SLC5A3: variants seen among roughly 807,000 people sequenced by gnomAD.
SLC5A3 encodes solute carrier family 5 member 3.
SLC5A3 carries 10 observed loss-of-function variants against 43.2 expected under a neutral mutation model. That is an observed-to-expected ratio of 0.23 (90% CI 0.14 to 0.39). The LOEUF is 0.39. Among genes scored for constraint, SLC5A3 ranks in the 10% least tolerant of loss-of-function variants. The probability of loss-of-function intolerance (pLI) is 1.00; values close to 1 mark genes in which losing one functional copy is unlikely to be tolerated. For missense variants in SLC5A3, 608 were observed against 893.4 expected (o/e 0.68, Z 4.07); for synonymous variants, 349 against 322.0 (o/e 1.08, Z -0.90).
At chr21:34,077,714 T>C (rs573815647) in intron 1 of SLC5A3, among the ~76,000 whole-genome samples, 5 of 152,222 alleles carry the variant, frequency 3.3e-5, no homozygotes, top group Admixed American at 6.5e-5. Flanking sequence ...GATAACTCAT[T>C]GAAATAGTAC....
Position 34,102,374 on chromosome 21 carries a change from T to G in SLC5A3, c.*5019T>G, listed in dbSNP as rs1979279473. ...GGAATGTTGTGAGAATTGATGTAAT[T>G]TCTGTTTCTGTTTCCATCTAAACTT... On this transcript the variant is annotated 3_prime_UTR_variant, in exon 2 of 2. Transcript: ENST00000381151. 2 of 995,352 alleles carry G rather than the reference T, an allele frequency of 2.0e-6. No individual in the cohort carries two copies. The highest frequency in any genetic ancestry group is 6.8e-5 in the Admixed American group (1 of 14,744). 61.7% of individuals were successfully genotyped at this position (995,352 alleles called of 1,614,324 possible). A position where few individuals can be genotyped will look rare whatever the true frequency, so the allele number is the denominator to read the frequency against.
At chr21:34,082,707 A>C (rs922337236) in intron 1 of SLC5A3, among the ~76,000 whole-genome samples, 2 of 152,200 alleles carry the variant, frequency 1.3e-5, no homozygotes, top group Non-Finnish European at 2.9e-5. Context: ...ATAGAAGCCA[A>C]GTTATTACCT....
At chr21:34,093,151 C>CT (rs2148658403) in intron 1 of SLC5A3, among the ~76,000 whole-genome samples, 1 of 151,616 alleles carries the variant, frequency 6.6e-6, no homozygotes, top group African/African-American at 2.4e-5. Flanking sequence ...AACTTGGAAG[C>CT]TTTTGGGGGT....
intron 1 of SLC5A3, among the ~76,000 whole-genome samples, chr21:34,076,367 G>C (rs1311792744): frequency 6.6e-6 from 1 of 152,130 alleles, no homozygotes; most frequent in Non-Finnish European, 1.5e-5. Context: ...GGCTGTCACA[G>C]TATCTGGATT....
chr21:34,077,091 G>A (rs1003180587), intron 1 of SLC5A3, among the ~76,000 whole-genome samples: 1 of 152,212 alleles, frequency 6.6e-6, no homozygotes, highest in African/African-American at 2.4e-5. Context: ...AGGTAGATGA[G>A]GAGAAGGGGT....
intron 1 of SLC5A3, among the ~76,000 whole-genome samples, chr21:34,090,317 A>G (rs1452117503): frequency 6.6e-6 from 1 of 152,232 alleles, no homozygotes; most frequent in Non-Finnish European, 1.5e-5. Context: ...TACACTCTGC[A>G]TCAAGCGTTA....
chr21:34,084,350 GTTTT>G (rs1223897666), intron 1 of SLC5A3, among the ~76,000 whole-genome samples: 1 of 151,964 alleles, frequency 6.6e-6, no homozygotes, highest in Non-Finnish European at 1.5e-5. Flanking sequence ...TCTAGAAACA[GTTTT>G]TTTCTAGAAA....
At chr21:34,076,300 T>G (rs1989329468) in intron 1 of SLC5A3, among the ~76,000 whole-genome samples, 1 of 152,194 alleles carries the variant, frequency 6.6e-6, no homozygotes. Flanking sequence ...GACCCTAGCT[T>G]GACTCCTTTA....
intron 1 of SLC5A3, among the ~76,000 whole-genome samples, chr21:34,085,079 G>A (rs1978324286): frequency 1.3e-5 from 2 of 152,132 alleles, no homozygotes; most frequent in Non-Finnish European, 2.9e-5. Context: ...AGAAATTTAC[G>A]CTGTTCTTCC....
chr21:34,075,036 C>T (rs758765667), intron 1 of SLC5A3, among the ~76,000 whole-genome samples: 1 of 152,178 alleles, frequency 6.6e-6, no homozygotes, highest in African/African-American at 2.4e-5. Context: ...TCTTGAATAT[C>T]CCTTTTGGCC....
chr21:34,082,494 A>G (rs1302357710), intron 1 of SLC5A3, among the ~76,000 whole-genome samples: 1 of 152,214 alleles, frequency 6.6e-6, no homozygotes, highest in African/African-American at 2.4e-5. Context: ...GGTGTTTGAA[A>G]TACTACTGGC....
chr21:34,081,401 A>G (rs1032508861), intron 1 of SLC5A3, among the ~76,000 whole-genome samples: 1 of 152,216 alleles, frequency 6.6e-6, no homozygotes. Context: ...ACGTATATAT[A>G]GTTTTATGAC....
At chr21:34,074,452 C>T (rs992614759) in intron 1 of SLC5A3, among the ~76,000 whole-genome samples, 5 of 152,240 alleles carry the variant, frequency 3.3e-5, no homozygotes, top group Non-Finnish European at 5.9e-5. Context: ...ACACTTTCTT[C>T]CCCCTGCTTT....
chr21:34,098,175 A>G lies in SLC5A3; in HGVS notation c.*820A>G. The G allele has an allele frequency of 1.1e-5, 11 of 1,000,030 alleles. No homozygotes were observed. Among genetic ancestry groups the G allele is most frequent in the Non-Finnish European group, 1.3e-5 (11 of 829,850 alleles). 61.9% of individuals were successfully genotyped at this position (1,000,030 alleles called of 1,614,324 possible). A position where few individuals can be genotyped will look rare whatever the true frequency, so the allele number is the denominator to read the frequency against. Reference sequence around the variant, plus strand: ...TTAAGGTTGTTTATATAGTTTGGAAATGACCAGCCCCCTAAGCAGTGTTTG... The same window carrying G: ...TTAAGGTTGTTTATATAGTTTGGAAGTGACCAGCCCCCTAAGCAGTGTTTG... On this transcript the variant is annotated 3_prime_UTR_variant, in exon 2 of 2. Transcript: ENST00000381151.
intron 1 of SLC5A3, among the ~76,000 whole-genome samples, chr21:34,092,969 AACAGC>A (rs1978781034): frequency 1.3e-5 from 2 of 152,244 alleles, no homozygotes; most frequent in African/African-American, 4.8e-5. Flanking sequence ...CATAACTGCG[AACAGC>A]AGTTTTCATT....
At chr21:34,077,895 A>G (rs901803927) in intron 1 of SLC5A3, among the ~76,000 whole-genome samples, 2 of 152,190 alleles carry the variant, frequency 1.3e-5, no homozygotes, top group African/African-American at 2.4e-5. Context: ...AACACCTGGC[A>G]AAAGTTTTGT....
At position 34,104,565 on chromosome 21, in the gene SLC5A3, G is replaced by A. The variant is rs985821398; in HGVS notation, c.*7210G>A. The A allele has an allele frequency of 9.0e-6, 9 of 999,020 alleles. No individual in the cohort carries two copies. The highest frequency in any genetic ancestry group is 1.7e-5 in the African/African-American group (1 of 57,298). 61.9% of individuals were successfully genotyped at this position (999,020 alleles called of 1,614,324 possible). On this transcript the variant is annotated 3_prime_UTR_variant, in exon 2 of 2. Coordinates refer to ENST00000381151, the MANE Select transcript of SLC5A3 (RefSeq NM_006933.7). Reference sequence around the variant, plus strand: ...ATATCTAGAAGGAAGACTATATCTGGTGTAGACTAATATGAGATGTTTTAG... The same window carrying A: ...ATATCTAGAAGGAAGACTATATCTGATGTAGACTAATATGAGATGTTTTAG...
At chr21:34,088,202 A>C (rs1378108804) in intron 1 of SLC5A3, among the ~76,000 whole-genome samples, 4 of 278 alleles carry the variant, frequency 0.014, no homozygotes, top group Admixed American at 0.056. Context: ...CTTAGATAGA[A>C]TCTATAGCTG....
rs114679974 is a variant in SLC5A3 at position 34,094,620 on chromosome 21, T to G, written c.-336-243T>G. On this transcript the variant is annotated intron_variant, in intron 1 of 1. Transcript: ENST00000381151. ...CAGTTAGCTGCTGAAGTTAGGCCAC[T>G]TAGTTATGAGGTAGATGAATTTCTG... Among the ~76,000 whole-genome samples the G allele has an allele frequency of 7.6e-3, 1,153 of 152,352 alleles. 16 individuals are homozygous for G. Among genetic ancestry groups the G allele is most frequent in the African/African-American group, 0.026 (1,096 of 41,580 alleles).
Sources: allele counts gnomAD v4.1 joint callset (sites outside exome capture counted in the v4.1 genomes callset), GRCh38; gene constraint gnomAD v4.1.1; transcripts MANE v1.5; gene names NCBI Gene and HGNC (gene_info 2026-07-23, HGNC 2026-07-21).